The following ATP8A2 variants were observed in gnomAD, a reference collection of about 807,000 sequenced individuals.
ATP8A2 encodes the protein phospholipid-transporting ATPase IB.
A neutral mutation model predicts 165.6 loss-of-function variants in ATP8A2; 100 were observed. That is an observed-to-expected ratio of 0.60 (90% confidence interval 0.51 to 0.71). The LOEUF (loss-of-function observed/expected upper bound fraction) is 0.71. Ranked by LOEUF, ATP8A2 falls within the 30% of genes least tolerant of loss-of-function variation. The pLI is 0.00. For synonymous variants in ATP8A2, 543 were observed against 548.8 expected, an observed-to-expected ratio of 0.99 and a Z score of 0.15; for missense variants, 1,227 against 1,479.5, an observed-to-expected ratio of 0.83 and a Z score of 2.80.
intron 1 of ATP8A2, among the ~76,000 whole-genome samples, chr13:25,384,020 G>A (rs1285357397): frequency 1.3e-5 from 2 of 152,104 alleles, no homozygotes; most frequent in South Asian, 2.1e-4. Context: ...TCTGTGAGTG[G>A]CCATCTGTCT....
Position 25,690,251 on chromosome 13 carries a change from A to G in ATP8A2, c.2212-8922A>G, listed in dbSNP as rs1355581425. Among the ~76,000 whole-genome samples the G allele has an allele frequency of 2.6e-5, 4 of 152,076 alleles. No homozygotes were observed. In the East Asian group the frequency reaches 7.7e-4, roughly 29 times the overall value. The stretch of plus-strand genomic sequence containing the variant: ...GGCTCTGGAGCCTGAGTGCATAAAT[A>G]GTCTCTTTCTTACAAATGATACTTG... On this transcript the variant is annotated intron_variant, in intron 24 of 36. Transcript: ENST00000381655.
intron 25 of ATP8A2, among the ~76,000 whole-genome samples, chr13:25,768,285 C>G (rs1476118689): frequency 1.3e-5 from 2 of 152,184 alleles, no homozygotes; most frequent in African/African-American, 4.8e-5. Flanking sequence ...TTAGACCCCA[C>G]AGATTTATAC....
At chr13:25,736,426 G>A (rs2043770010) in intron 25 of ATP8A2, among the ~76,000 whole-genome samples, 2 of 152,316 alleles carry the variant, frequency 1.3e-5, no homozygotes, top group East Asian at 1.9e-4. Context: ...AACTGAACGC[G>A]ACATGAGGTT....
At chr13:25,725,075 G>A (rs3117848) in intron 25 of ATP8A2, among the ~76,000 whole-genome samples, 18,498 of 152,112 alleles carry the variant, frequency 0.12, 1,501 homozygotes, top group East Asian at 0.36. Flanking sequence ...TTAAACAAGC[G>A]CTCTGAAGAA....
At chr13:25,489,449 G>GCTCTGGAACTTAGCA (rs1248233919) in intron 2 of ATP8A2, among the ~76,000 whole-genome samples, 2 of 152,170 alleles carry the variant, frequency 1.3e-5, no homozygotes, top group Non-Finnish European at 2.9e-5. Context: ...CAGCCCCTCT[G>GCTCTGGAACTTAGCA]TGCCGCAGCG....
chr13:25,553,922 T>C lies in ATP8A2; in HGVS notation c.1185+2T>C. ...ACTCAAGCCCTTTTCATAAACTGGG[T>C]GAGTATTAAAGCAGAGTTGAATCAC... is the stretch of plus-strand genomic sequence containing the variant. On this transcript the variant is annotated splice_donor_variant, in intron 12 of 36. Coordinates refer to ENST00000381655, the MANE Select transcript of ATP8A2 (RefSeq NM_016529.6). LOFTEE classifies it high-confidence loss of function. The C allele has an allele frequency of 6.2e-7, 1 of 1,612,602 alleles. No homozygotes were observed. The highest frequency in any genetic ancestry group is 8.5e-7 in the Non-Finnish European group (1 of 1,179,382).
At chr13:25,646,239 C>T (rs564243241) in intron 24 of ATP8A2, among the ~76,000 whole-genome samples, 11 of 152,254 alleles carry the variant, frequency 7.2e-5, no homozygotes, top group Middle Eastern at 3.4e-3. Flanking sequence ...GCTACCTCTG[C>T]TCTTCTTTGC....
At position 25,976,942 on chromosome 13, in the gene ATP8A2, C is replaced by T. The variant is rs552545595; in HGVS notation, c.3377+8263C>T. ...AGCTGGGATTACAGGCACCCGCCACCATGCCCAGCTAATTTTTGTATTTTT... is the reference window on the plus strand; with the variant it reads ...AGCTGGGATTACAGGCACCCGCCACTATGCCCAGCTAATTTTTGTATTTTT... On this transcript the variant is annotated intron_variant, in intron 35 of 36. Coordinates refer to ENST00000381655, the MANE Select transcript of ATP8A2 (RefSeq NM_016529.6). Among the ~76,000 whole-genome samples, 59 of 152,252 alleles carry T rather than the reference C, an allele frequency of 3.9e-4. 1 individual carries two copies. The South Asian group carries it at 9.3e-3, about 24-fold the overall frequency.
At chr13:25,669,654 C>T (rs547592336) in intron 24 of ATP8A2, among the ~76,000 whole-genome samples, 5 of 152,336 alleles carry the variant, frequency 3.3e-5, no homozygotes, top group Admixed American at 2.0e-4. Flanking sequence ...TTAGCCTCTG[C>T]CTTCCCTGCT....
At chr13:25,856,338 C>T (rs1302814042) in intron 30 of ATP8A2, among the ~76,000 whole-genome samples, 4 of 152,066 alleles carry the variant, frequency 2.6e-5, no homozygotes, top group South Asian at 2.1e-4. Flanking sequence ...AGCTAAGTAA[C>T]GTGTACACAT....
chr13:25,801,524 T>C (rs925774026), intron 27 of ATP8A2, among the ~76,000 whole-genome samples: 1 of 152,258 alleles, frequency 6.6e-6, no homozygotes, highest in Middle Eastern at 3.4e-3. Context: ...ATGGTACTTC[T>C]CCAGAAGTTT....
At chr13:25,751,624 C>CAGA (rs2044155309) in intron 25 of ATP8A2, among the ~76,000 whole-genome samples, 1 of 152,048 alleles carries the variant, frequency 6.6e-6, no homozygotes, top group Non-Finnish European at 1.5e-5. Flanking sequence ...TCTGTAGAGA[C>CAGA]AAGGTCTCGC....
intron 2 of ATP8A2, among the ~76,000 whole-genome samples, chr13:25,501,147 C>G (rs182383539): frequency 2.6e-5 from 4 of 152,090 alleles, no homozygotes; most frequent in Non-Finnish European, 1.5e-5. Flanking sequence ...AAAAATGTAC[C>G]TGGGATTCGT....
chr13:25,538,981 G>A (rs4438153), intron 7 of ATP8A2, among the ~76,000 whole-genome samples: 7 of 151,774 alleles, frequency 4.6e-5, no homozygotes, highest in South Asian at 2.1e-4. Context: ...CAAAGAAACC[G>A]TTAGAAATAT....
intron 24 of ATP8A2, among the ~76,000 whole-genome samples, chr13:25,638,600 G>A (rs536076026): frequency 9.9e-5 from 15 of 152,256 alleles, no homozygotes; most frequent in African/African-American, 3.6e-4. Flanking sequence ...AGAAATATGG[G>A]ACTATGTGAA....
At chr13:25,854,716 G>A (rs950162813) in intron 30 of ATP8A2, among the ~76,000 whole-genome samples, 1 of 152,166 alleles carries the variant, frequency 6.6e-6, no homozygotes, top group Admixed American at 6.5e-5. Context: ...GGATGGAAAT[G>A]TTCTGTATCT....
chr13:25,830,425 G>A (rs920872141), intron 28 of ATP8A2, among the ~76,000 whole-genome samples: 1 of 152,130 alleles, frequency 6.6e-6, no homozygotes, highest in Admixed American at 6.6e-5. Context: ...AGGTGAAAGG[G>A]TCTAGGTTAC....
intron 2 of ATP8A2, 132 bp downstream of exon 2, chr13:25,469,253 C>T: frequency 8.8e-7 from 1 of 1,133,386 alleles, no homozygotes; most frequent in Admixed American, 2.4e-5. Flanking sequence ...TCCCCTGCCC[C>T]CTCCCCACCC....
chr13:25,939,568 T>C (rs1955011922), intron 33 of ATP8A2, among the ~76,000 whole-genome samples: 1 of 152,050 alleles, frequency 6.6e-6, no homozygotes, highest in African/African-American at 2.4e-5. Context: ...ATATTGGGGA[T>C]GTTTGTGCCA....
Sources: allele counts gnomAD v4.1 joint callset (sites outside exome capture counted in the v4.1 genomes callset), GRCh38; gene constraint gnomAD v4.1.1; transcripts MANE v1.5; gene names NCBI Gene and HGNC (gene_info 2026-07-23, HGNC 2026-07-21).